The following GABRA3 variants were observed in gnomAD, a reference collection of about 807,000 sequenced individuals.
GABRA3 encodes the protein gamma-aminobutyric acid type A receptor subunit alpha3.
Under a neutral mutation model 30.1 loss-of-function variants are expected in GABRA3, and 10 were observed. The ratio of observed to expected loss-of-function variants is 0.33; its 90% CI spans 0.20 to 0.56. GABRA3 has a LOEUF of 0.56. GABRA3 is among the 20% of genes least tolerant of loss of function. The pLI is 0.89. For synonymous variants in GABRA3, 151 were observed against 146.8 expected, an observed-to-expected ratio of 1.03 and a Z score of -0.21; for missense variants, 233 against 392.0, an observed-to-expected ratio of 0.59 and a Z score of 3.42.
chrX:152,379,387 T>C (rs1298925197), intron 1 of GABRA3, among the ~76,000 whole-genome samples: 1 of 111,179 alleles, frequency 9.0e-6, no homozygotes, highest in Non-Finnish European at 1.9e-5. Context: ...TCAAAATACA[T>C]ATTAGAACAT....
At chrX:152,402,014 G>A (rs1405219112) in intron 1 of GABRA3, among the ~76,000 whole-genome samples, 2 of 111,638 alleles carry the variant, frequency 1.8e-5, no homozygotes, top group African/African-American at 3.3e-5. Flanking sequence ...CCTCCCAATA[G>A]CTTCACAGTT....
intron 6 of GABRA3, among the ~76,000 whole-genome samples, chrX:152,211,043 C>T (rs1366558633): frequency 9.0e-6 from 1 of 110,678 alleles, no homozygotes; most frequent in Non-Finnish European, 1.9e-5. Flanking sequence ...CTTGGGGTAC[C>T]CCTACTCCTA....
At chrX:152,347,882 G>A (rs1483988083) in intron 2 of GABRA3, among the ~76,000 whole-genome samples, 4 of 111,734 alleles carry the variant, frequency 3.6e-5, no homozygotes, top group Non-Finnish European at 7.5e-5. Flanking sequence ...TGGCACACCT[G>A]TAGTCCCATT....
chrX:152,237,352 T>A (rs1476540127), intron 5 of GABRA3, among the ~76,000 whole-genome samples: 1 of 107,655 alleles, frequency 9.3e-6, no homozygotes, highest in Non-Finnish European at 1.9e-5. Context: ...TCCATTGATC[T>A]ATATCTCTGT....
chrX:152,413,085 A>T (rs1930112719), intron 1 of GABRA3, among the ~76,000 whole-genome samples: 1 of 111,367 alleles, frequency 9.0e-6, no homozygotes, highest in Admixed American at 9.5e-5. Context: ...TTGAAAGACA[A>T]AAACAAAAAA....
chrX:152,217,287 A>G (rs1439869668), intron 6 of GABRA3, among the ~76,000 whole-genome samples: 4 of 111,196 alleles, frequency 3.6e-5, no homozygotes, highest in African/African-American at 6.5e-5. Flanking sequence ...TATTCCTGGG[A>G]AAAATCTCAC....
At chrX:152,289,445 C>A (rs1488456092) in intron 3 of GABRA3, among the ~76,000 whole-genome samples, 1 of 110,067 alleles carries the variant, frequency 9.1e-6, no homozygotes, top group East Asian at 2.9e-4. Flanking sequence ...CTAAATGCCC[C>A]GACTTATTTT....
chrX:152,347,778 C>G (rs1282989058), intron 2 of GABRA3, among the ~76,000 whole-genome samples: 1 of 111,608 alleles, frequency 9.0e-6, no homozygotes, highest in Non-Finnish European at 1.9e-5. Flanking sequence ...AAGTTGAAAA[C>G]TTTTAAGTCA....
At chrX:152,241,043 T>C (rs1313640755) in intron 5 of GABRA3, among the ~76,000 whole-genome samples, 2 of 109,956 alleles carry the variant, frequency 1.8e-5, no homozygotes, top group Non-Finnish European at 3.8e-5. Flanking sequence ...GGTGAGGAAC[T>C]GCGTTCCTTT....
intron 6 of GABRA3, among the ~76,000 whole-genome samples, chrX:152,213,600 C>A (rs1937662408): frequency 9.0e-6 from 1 of 111,507 alleles, no homozygotes; most frequent in Admixed American, 9.5e-5. Context: ...CCGCAACCCC[C>A]CAAAACCAGC....
chrX:152,445,817 T>C (rs917496411), intron 1 of GABRA3, among the ~76,000 whole-genome samples: 2 of 111,929 alleles, frequency 1.8e-5, no homozygotes, highest in African/African-American at 6.5e-5. Flanking sequence ...AGACAAGTGA[T>C]ATGTCACAAC....
rs190710955 is a variant in GABRA3, at chrX:152,326,655, G to A, written c.262+18926C>T. ...AATCCTTTACAGACAAGCAAATGCT[G>A]AGAGATTTTGTCACCACCAGGCCTG... On this transcript the variant is annotated intron_variant, in intron 3 of 9. Transcript: ENST00000370314. Among the ~76,000 whole-genome samples, 11 of 111,555 alleles carry A rather than the reference G, an allele frequency of 9.9e-5. No homozygotes were observed. The East Asian group carries it at 3.1e-3, about 31-fold the overall frequency.
At chrX:152,316,551 T>G (rs890447911) in intron 3 of GABRA3, among the ~76,000 whole-genome samples, 1 of 111,661 alleles carries the variant, frequency 9.0e-6, no homozygotes, top group African/African-American at 3.3e-5. Flanking sequence ...CCTAGGCACA[T>G]AGTCATCAGG....
chrX:152,241,153 T>C (rs1486164771), intron 5 of GABRA3, among the ~76,000 whole-genome samples: 1 of 101,242 alleles, frequency 9.9e-6, no homozygotes. Flanking sequence ...TCTTTGATGA[T>C]GGTGATGTAC....
chrX:152,289,734 T>A (rs1286550818), intron 3 of GABRA3, among the ~76,000 whole-genome samples: 2 of 110,259 alleles, frequency 1.8e-5, no homozygotes, highest in African/African-American at 6.6e-5. Flanking sequence ...CTTTCACTGT[T>A]AAATAATCAC....
intron 1 of GABRA3, among the ~76,000 whole-genome samples, chrX:152,434,662 A>G (rs1006675214): frequency 8.9e-6 from 1 of 112,129 alleles, no homozygotes; most frequent in African/African-American, 3.2e-5. Flanking sequence ...AAATAAGCCG[A>G]GATATATATA....
At chrX:152,387,012 T>C (rs1352431645) in intron 1 of GABRA3, among the ~76,000 whole-genome samples, 15 of 106,132 alleles carry the variant, frequency 1.4e-4, no homozygotes, top group Non-Finnish European at 1.9e-4. Context: ...ATGGATGAAA[T>C]TGGAAATCAT....
At chrX:152,364,738 C>G (rs1038007770) in intron 1 of GABRA3, 142 bp from the exon 2 acceptor site, 11 of 417,628 alleles carry the variant, frequency 2.6e-5, no homozygotes, top group Non-Finnish European at 4.3e-5. Flanking sequence ...TCTAGTTACT[C>G]AGTGCTTAAT....
chrX:152,299,533 C>G lies in GABRA3; in HGVS notation c.263-14798G>C, dbSNP rs767773898. On this transcript the variant is annotated intron_variant, in intron 3 of 9. Coordinates refer to ENST00000370314, the MANE Select transcript of GABRA3 (RefSeq NM_000808.4). ...TGTACCAAGAATGTATCAGCAATGT[C>G]ATAACGGAGAATAAACTGCAAAATA... Among the ~76,000 whole-genome samples the G allele has an allele frequency of 4.5e-5, 5 of 111,556 alleles. No homozygotes were observed. In the South Asian group the frequency reaches 1.9e-3, roughly 43 times the overall value.
Sources: gnomAD v4.1 joint callset for allele counts (sites outside exome capture counted in the v4.1 genomes callset) on GRCh38, gnomAD v4.1.1 for gene constraint, MANE v1.5 for transcripts, NCBI Gene and HGNC (gene_info 2026-07-23, HGNC 2026-07-21) for gene names.